PNLIP: variants seen among roughly 807,000 people sequenced by gnomAD.
PNLIP encodes pancreatic triacylglycerol lipase.
A neutral mutation model predicts 57.1 loss-of-function variants in PNLIP; 49 were observed. The ratio of observed to expected loss-of-function variants is 0.86; its 90% CI spans 0.68 to 1.09. PNLIP has a LOEUF of 1.09. Among genes scored for constraint, PNLIP ranks in the 50% least tolerant of loss-of-function variants. The probability of loss-of-function intolerance (pLI) is 0.00; values close to 1 mark genes in which losing one functional copy is unlikely to be tolerated. For missense variants in PNLIP, 503 were observed against 570.2 expected (o/e 0.88, Z 1.20); for synonymous variants, 209 against 200.4 (o/e 1.04, Z -0.36).
At position 116,553,763 on chromosome 10, in the gene PNLIP, A is replaced by G. The variant is rs1176668526; in HGVS notation, c.496A>G (p.Ile166Val). The G allele has an allele frequency of 1.2e-6, 2 of 1,613,188 alleles. No homozygotes were observed. Among genetic ancestry groups the G allele is most frequent in the Non-Finnish European group, 8.5e-7 (1 of 1,179,398 alleles). ...FGYSPSNVHV[I>V]GHSLGAHAAG... Reference sequence around the variant, plus strand: ...TTACTCACCTTCCAATGTGCATGTCATTGGCCACAGCCTGGGTGCCCACGC... The same window carrying G: ...TTACTCACCTTCCAATGTGCATGTCGTTGGCCACAGCCTGGGTGCCCACGC... The change falls in exon 6 of 13, where the codon ATT becomes GTT. Residue 166 changes from isoleucine to valine, a missense_variant. Transcript: ENST00000369221.
intron 6 of PNLIP, among the ~76,000 whole-genome samples, chr10:116,554,819 G>A (rs1482073571): frequency 2.0e-5 from 3 of 152,114 alleles, no homozygotes; most frequent in Non-Finnish European, 4.4e-5. Flanking sequence ...GAATGCCTGT[G>A]GTCTCAGTGA....
chr10:116,555,268 C>T lies in PNLIP; in HGVS notation c.662C>T (p.Thr221Met), dbSNP rs746000327. ...SDAKFVDVIHTDGAPIVPNLG... is the reference protein window; with the variant it reads ...SDAKFVDVIHMDGAPIVPNLG... ...GCCAAATTTGTGGATGTAATTCACA[C>T]GGATGGTGCCCCCATAGTCCCCAAT... The change falls in exon 7 of 13, where the codon ACG (threonine) becomes ATG (methionine). Residue 221 changes from threonine to methionine, a missense_variant. Coordinates refer to ENST00000369221, the MANE Select transcript of PNLIP (RefSeq NM_000936.4). 7 of 1,614,038 alleles carry T rather than the reference C, an allele frequency of 4.3e-6. No homozygotes were observed. The highest frequency in any genetic ancestry group is 4.0e-5 in the African/African-American group (3 of 74,908).
intron 12 of PNLIP, 147 bp from the exon 13 acceptor site, chr10:116,567,588 G>A: frequency 1.5e-6 from 1 of 674,498 alleles, no homozygotes. Context: ...ATGTAGAAGA[G>A]GTCTTCCCTC....
intron 4 of PNLIP, among the ~76,000 whole-genome samples, chr10:116,550,862 C>T (rs1768314534): frequency 6.6e-6 from 1 of 152,184 alleles, no homozygotes; most frequent in African/African-American, 2.4e-5. Context: ...GTATCTGCTA[C>T]AGTAGAAATC....
rs986701292 is a variant in PNLIP at position 116,567,665 on chromosome 10, T to C, written c.1335-70T>C. 6.9e-5 allele frequency: 90 copies of C among 1,297,600 alleles called. 2 individuals carry two copies. The Middle Eastern group carries it at 1.8e-3, about 26-fold the overall frequency. 80.4% of individuals were successfully genotyped at this position (1,297,600 alleles called of 1,614,324 possible). A position where few individuals can be genotyped will look rare whatever the true frequency, so the allele number is the denominator to read the frequency against. ...AGACTAGGAGGTTGGGGGCATAGAT[T>C]GTCCTCACTGTCACACTCCAGATAT... On this transcript the variant is annotated intron_variant, in intron 12 of 12. Coordinates refer to ENST00000369221, the MANE Select transcript of PNLIP (RefSeq NM_000936.4).
chr10:116,561,442 T>C (rs374594287), intron 11 of PNLIP, 30 bp from the exon 12 acceptor site: 7 of 1,553,688 alleles, frequency 4.5e-6, no homozygotes, highest in African/African-American at 4.1e-5. Context: ...TATGCTCATG[T>C]ATGTTTTTGT....
chr10:116,562,883 A>C (rs775290793), intron 12 of PNLIP, among the ~76,000 whole-genome samples: 1 of 152,200 alleles, frequency 6.6e-6, no homozygotes, highest in Non-Finnish European at 1.5e-5. Context: ...AAGATCTGTA[A>C]AGAAACTGTT....
chr10:116,548,586 G>A, intron 4 of PNLIP, 104 bp downstream of exon 4: 1 of 1,292,722 alleles, frequency 7.7e-7, no homozygotes, highest in South Asian at 1.5e-5. Flanking sequence ...GGAGGTCTTG[G>A]AGGATATTCA....
intron 11 of PNLIP, 77 bp from the exon 12 acceptor site, chr10:116,561,395 T>G (rs569550194): frequency 1.9e-6 from 2 of 1,061,424 alleles, no homozygotes; most frequent in East Asian, 5.0e-5. Flanking sequence ...ATGTACACAC[T>G]TACATACACA....
chr10:116,550,369 C>A (rs546321036), intron 4 of PNLIP, among the ~76,000 whole-genome samples: 10 of 149,640 alleles, frequency 6.7e-5, no homozygotes, highest in South Asian at 2.1e-4. Context: ...TTCTCAAATT[C>A]TTTTTGAAAA....
intron 4 of PNLIP, among the ~76,000 whole-genome samples, 157 bp downstream of exon 4, chr10:116,548,639 T>C (rs1471841244): frequency 1.3e-5 from 2 of 151,214 alleles, no homozygotes; most frequent in Admixed American, 1.3e-4. Flanking sequence ...GTCAAGGAGG[T>C]GGTGGTGGGA....
chr10:116,558,354 C>T (rs1330998540), intron 9 of PNLIP, among the ~76,000 whole-genome samples: 27 of 150,456 alleles, frequency 1.8e-4, no homozygotes, highest in African/African-American at 6.3e-4. Flanking sequence ...GCCACCATGC[C>T]CGGCTAATTT....
At chr10:116,567,050 T>A (rs1258438952) in intron 12 of PNLIP, among the ~76,000 whole-genome samples, 2 of 149,306 alleles carry the variant, frequency 1.3e-5, no homozygotes, top group African/African-American at 4.9e-5. Context: ...TTTCCTTCCT[T>A]CCTTTCTTCT....
At chr10:116,554,019 A>G (rs1176782992) in intron 6 of PNLIP, among the ~76,000 whole-genome samples, 181 bp downstream of exon 6, 2 of 152,156 alleles carry the variant, frequency 1.3e-5, no homozygotes, top group East Asian at 1.9e-4. Context: ...AAAAGGAAAT[A>G]CAAGATGGAA....
Position 116,561,473 on chromosome 10 carries a change from G to A in PNLIP, c.1171G>A (p.Gly391Ser), listed in dbSNP as rs1433687914. 1 of 1,609,528 alleles carries A rather than the reference G, an allele frequency of 6.2e-7. No homozygotes were observed. Among genetic ancestry groups the A allele is most frequent in the Admixed American group, 1.7e-5 (1 of 59,408 alleles). ...GNSKQYEIFK[G>S]TLKPDSTHSN... ...TTTGTTAACTTCTTAAATCCTTAGG[G>A]GCACTCTCAAACCAGATAGTACTCA... The change falls in exon 12 of 13, where the codon GGC becomes AGC. Residue 391 changes from glycine (G) to serine (S), a missense_variant and splice_region_variant. Coordinates refer to ENST00000369221, the MANE Select transcript of PNLIP (RefSeq NM_000936.4).
chr10:116,553,786 C>T lies in PNLIP; in HGVS notation c.519C>T (p.His173=), dbSNP rs150321250. ...VHVIGHSLGA[H]AAGEAGRRTN... is the part of the protein sequence containing the mutation. ...TCATTGGCCACAGCCTGGGTGCCCACGCTGCTGGGGAGGCTGGAAGGAGAA... is the reference window on the plus strand; with the variant it reads ...TCATTGGCCACAGCCTGGGTGCCCATGCTGCTGGGGAGGCTGGAAGGAGAA... Residue 173 remains histidine (H), a synonymous_variant, in exon 6 of 13, where the codon CAC becomes CAT. Transcript: ENST00000369221. 5.0e-5 allele frequency: 80 copies of T among 1,613,096 alleles called. No individual in the cohort carries two copies. The highest frequency in any genetic ancestry group is 1.3e-4 in the Admixed American group (8 of 59,930).
In PNLIP at chr10:116,559,152, A is replaced by G; in HGVS notation, c.931-2A>G. On this transcript the variant is annotated splice_acceptor_variant, in intron 9 of 12. Transcript: ENST00000369221. LOFTEE classifies it high-confidence loss of function. Reference sequence around the variant, plus strand: ...CATTCATCATTTGTTTGTTTTCACTAGAACAAGTGTTTCCCTTGTCCAAGT... The same window carrying G: ...CATTCATCATTTGTTTGTTTTCACTGGAACAAGTGTTTCCCTTGTCCAAGT... 1 of 1,607,034 alleles carries G rather than the reference A, an allele frequency of 6.2e-7. No individual in the cohort carries two copies. Among genetic ancestry groups the G allele is most frequent in the Non-Finnish European group, 8.5e-7 (1 of 1,177,980 alleles).
At chr10:116,567,651 T>C (rs1847383884) in intron 12 of PNLIP, 84 bp from the exon 13 acceptor site, 4 of 1,108,368 alleles carry the variant, frequency 3.6e-6, no homozygotes, top group African/African-American at 1.5e-5. Flanking sequence ...GACTAGGAGG[T>C]TGGGGGCATA....
Position 116,561,717 on chromosome 10 carries a change from T to G in PNLIP, c.1334+81T>G, listed in dbSNP as rs112103056. 275 of 1,251,188 alleles carry G rather than the reference T, an allele frequency of 2.2e-4. 2 individuals carry two copies. In the African/African-American group the frequency reaches 2.9e-3, roughly 13 times the overall value. The allele number at this position is 1,251,188 out of a possible 1,614,324, so 77.5% of individuals were successfully genotyped here. A position where few individuals can be genotyped will look rare whatever the true frequency, so the allele number is the denominator to read the frequency against. On this transcript the variant is annotated intron_variant, in intron 12 of 12. Transcript: ENST00000369221. ...ATTCCCACTAAAAGTCTAATTTAAG[T>G]GAAACCTCCTACAGGGGATCGCCTA...
Sources: allele counts gnomAD v4.1 joint callset (sites outside exome capture counted in the v4.1 genomes callset), GRCh38; gene constraint gnomAD v4.1.1; transcripts MANE v1.5; gene names NCBI Gene and HGNC (gene_info 2026-07-23, HGNC 2026-07-21).